MAEA: variants seen among roughly 807,000 people sequenced by gnomAD.
The protein encoded by MAEA is E3 ubiquitin-protein transferase MAEA.
A neutral mutation model predicts 46.2 loss-of-function variants in MAEA; 22 were observed. The observed-to-expected ratio is 0.48, with a 90% confidence interval of 0.34 to 0.68. The LOEUF (loss-of-function observed/expected upper bound fraction) is 0.68, where lower values mean the gene tolerates loss of function less well. Among genes scored for constraint, MAEA ranks in the 30% least tolerant of loss-of-function variants. The pLI, the probability that MAEA is intolerant of heterozygous loss-of-function variation, is 0.01. For missense variants in MAEA, 393 were observed against 558.1 expected, an observed-to-expected ratio of 0.70 and a Z score of 2.98; for synonymous variants, 246 against 222.6, an observed-to-expected ratio of 1.11 and a Z score of -0.94.
At position 1,306,328 on chromosome 4, in the gene MAEA, C is replaced by G. The variant is rs573667166; in HGVS notation, c.70-5651C>G. The stretch of plus-strand genomic sequence containing the variant: ...CTTCATAGAACTTCTCTGTGATGTT[C>G]CTGTTCAAACCTTTTCCCCATTAAA... On this transcript the variant is annotated intron_variant, in intron 1 of 8. Transcript: ENST00000303400. Among the ~76,000 whole-genome samples the G allele has an allele frequency of 7.2e-5, 11 of 152,286 alleles. No homozygotes were observed. The South Asian group carries it at 1.7e-3, about 23-fold the overall frequency.
chr4:1,297,461 A>ATGTG, intron 1 of MAEA, among the ~76,000 whole-genome samples: 1 of 151,186 alleles, frequency 6.6e-6, no homozygotes, highest in East Asian at 1.9e-4. Flanking sequence ...GTACGTGCGT[A>ATGTG]TGTGTGTGTG....
At chr4:1,305,418 G>A (rs7671585) in intron 1 of MAEA, among the ~76,000 whole-genome samples, 23,476 of 152,218 alleles carry the variant, frequency 0.15, 3,487 homozygotes, top group East Asian at 0.42. Flanking sequence ...TGGACACACC[G>A]TGGTTTGTTT....
At chr4:1,318,817 T>C (rs1470029844) in intron 3 of MAEA, among the ~76,000 whole-genome samples, 2 of 152,170 alleles carry the variant, frequency 1.3e-5, no homozygotes, top group Non-Finnish European at 2.9e-5. Flanking sequence ...AAAATTCCTG[T>C]GCACCAAAAT....
At position 1,311,290 on chromosome 4, in the gene MAEA, G is replaced by C. The variant is rs997984041; in HGVS notation, c.70-689G>C. Among the ~76,000 whole-genome samples the C allele has an allele frequency of 6.6e-6, 1 of 152,250 alleles. No homozygotes were observed. The highest frequency in any genetic ancestry group is 1.5e-5 in the Non-Finnish European group (1 of 68,038). On this transcript the variant is annotated intron_variant, in intron 1 of 8. Coordinates refer to ENST00000303400, the MANE Select transcript of MAEA (RefSeq NM_001017405.3). This position sits in a 1 kb window ranked among gnomAD's most constrained non-coding sequence, Gnocchi z 4.4. ...GGGAGCGCTGGGGCGTGATTCTGTCGTGCCGCTTTCAAACCGTAGAGCACA... is the reference window on the plus strand; with the variant it reads ...GGGAGCGCTGGGGCGTGATTCTGTCCTGCCGCTTTCAAACCGTAGAGCACA...
intron 1 of MAEA, among the ~76,000 whole-genome samples, chr4:1,303,154 T>G (rs574255388): frequency 7.5e-6 from 1 of 134,048 alleles, no homozygotes; most frequent in Non-Finnish European, 1.5e-5. Flanking sequence ...TTTGGGAGGC[T>G]GGGGCGGGTG....
intron 1 of MAEA, among the ~76,000 whole-genome samples, chr4:1,294,123 G>C (rs534913129): frequency 1.3e-5 from 2 of 152,210 alleles, no homozygotes; most frequent in Admixed American, 1.3e-4. Context: ...CTGCAGTAAC[G>C]TCACAGCCCT....
intron 4 of MAEA, among the ~76,000 whole-genome samples, chr4:1,327,085 C>G (rs1158061226): frequency 6.6e-6 from 1 of 152,248 alleles, no homozygotes; most frequent in Non-Finnish European, 1.5e-5. Flanking sequence ...CACATGTGGT[C>G]CCTGTCTCCT....
At chr4:1,312,280 C>A in intron 2 of MAEA, 119 bp downstream of exon 2, 3 of 1,213,184 alleles carry the variant, frequency 2.5e-6, no homozygotes, top group Non-Finnish European at 3.5e-6. Context: ...CGGTTGGGGG[C>A]CCCCTTCCCT....
At chr4:1,295,699 A>G (rs1308758275) in intron 1 of MAEA, among the ~76,000 whole-genome samples, 6 of 5,160 alleles carry the variant, frequency 1.2e-3, no homozygotes, top group Non-Finnish European at 1.8e-3. Flanking sequence ...CCCCTCACCC[A>G]CACCTGTACC....
rs749792421 is a variant in MAEA, at chr4:1,338,566, C to T, written c.1044C>T (p.Asn348=). 2.4e-5 allele frequency: 39 copies of T among 1,613,038 alleles called. No individual in the cohort carries two copies. The highest frequency in any genetic ancestry group is 1.5e-4 in the South Asian group (14 of 91,054). ...GCAAGATTTCTGGCGACGTGATGAA[C>T]GAGAACAATCCGCCCATGATGCTGC... is the stretch of plus-strand genomic sequence containing the variant. ...LVCKISGDVM[N]ENNPPMMLPN... Residue 348 remains asparagine (N), a synonymous_variant, in exon 8 of 9, where the codon AAC becomes AAT. Transcript: ENST00000303400.
intron 1 of MAEA, among the ~76,000 whole-genome samples, chr4:1,310,668 G>A (rs1216462686): frequency 6.6e-6 from 1 of 152,240 alleles, no homozygotes; most frequent in Non-Finnish European, 1.5e-5. Context: ...GCTGTCTGGT[G>A]TGGACGAGAG....
intron 5 of MAEA, 76 bp downstream of exon 5, chr4:1,327,779 G>A (rs535919079): frequency 3.2e-5 from 43 of 1,343,170 alleles, no homozygotes; most frequent in South Asian, 5.9e-5. Context: ...CCTCCCTGTC[G>A]TGGTCTGGGT....
chr4:1,295,778 C>CTCATG (rs1734607293), intron 1 of MAEA, among the ~76,000 whole-genome samples: 3 of 86,794 alleles, frequency 3.5e-5, no homozygotes, highest in African/African-American at 4.9e-5. Flanking sequence ...GCCCCCCTCA[C>CTCATG]CCGCGCCTGT....
chr4:1,316,706 A>G lies in MAEA; in HGVS notation c.456+1106A>G, dbSNP rs945734642. Among the ~76,000 whole-genome samples the G allele has an allele frequency of 8.5e-5, 13 of 152,186 alleles. 2 individuals are homozygous for G. Among genetic ancestry groups the G allele is most frequent in the East Asian group, 1.9e-4 (1 of 5,166 alleles). On this transcript the variant is annotated intron_variant, in intron 3 of 8. Coordinates refer to ENST00000303400, the MANE Select transcript of MAEA (RefSeq NM_001017405.3). ...GTGTGTGGCTCCCACCTGGGGCATCATGGGCCTCAGCCCTGGCTGAATTCA... is the reference window on the plus strand; with the variant it reads ...GTGTGTGGCTCCCACCTGGGGCATCGTGGGCCTCAGCCCTGGCTGAATTCA...
chr4:1,292,658 C>G (rs561919154), intron 1 of MAEA, among the ~76,000 whole-genome samples: 13 of 152,282 alleles, frequency 8.5e-5, no homozygotes, highest in African/African-American at 3.1e-4. Flanking sequence ...TCAGACATTG[C>G]TAGATGTGCC....
rs11931513 is a variant in MAEA, at chr4:1,309,502, G to T, written c.70-2477G>T. 17,359 of 1,341,174 alleles carry T rather than the reference G, an allele frequency of 0.013. 1,633 individuals are homozygous for T. In the African/African-American group the frequency reaches 0.21, roughly 17 times the overall value. 83.1% of individuals were successfully genotyped at this position (1,341,174 alleles called of 1,614,324 possible). A position where few individuals can be genotyped will look rare whatever the true frequency, so the allele number is the denominator to read the frequency against. On this transcript the variant is annotated intron_variant, in intron 1 of 8. Transcript: ENST00000303400. ...GGAGCTGCTGTCTGGGTCAGCAGCT[G>T]CCCTGCTGGAGGGAGAGGGGGTGCT...
intron 6 of MAEA, 104 bp downstream of exon 6, chr4:1,332,969 C>T: frequency 1.4e-6 from 1 of 736,904 alleles, no homozygotes; most frequent in East Asian, 3.1e-5. Flanking sequence ...GTGAGGGCCC[C>T]ATCCCAGCCA....
At chr4:1,290,040 C>T in intron 1 of MAEA, 58 bp downstream of exon 1, 1 of 1,403,730 alleles carries the variant, frequency 7.1e-7, no homozygotes, top group Non-Finnish European at 9.6e-7. Flanking sequence ...CCAGTGCCCT[C>T]GGGCCGCGAG....
At chr4:1,333,051 C>G (rs1223951713) in intron 6 of MAEA, among the ~76,000 whole-genome samples, 186 bp downstream of exon 6, 2 of 152,042 alleles carry the variant, frequency 1.3e-5, no homozygotes, top group Non-Finnish European at 2.9e-5. Flanking sequence ...AAATTTGAAT[C>G]AGGGCTGTGT....
Sources: gnomAD v4.1 joint callset for allele counts (sites outside exome capture counted in the v4.1 genomes callset) on GRCh38, gnomAD v4.1.1 for gene constraint, Gnocchi (gnomAD v3.1) non-coding constraint, MANE v1.5 for transcripts, NCBI Gene and HGNC (gene_info 2026-07-23, HGNC 2026-07-21) for gene names.